ST6GALNAC5: variants seen among roughly 807,000 people sequenced by gnomAD.
The protein encoded by ST6GALNAC5 is alpha-N-acetylgalactosaminide alpha-2,6-sialyltransferase 5.
Under a neutral mutation model 33.6 loss-of-function variants are expected in ST6GALNAC5, and 27 were observed. The observed-to-expected ratio is 0.80, with a 90% confidence interval of 0.59 to 1.11. The LOEUF is 1.11. Among genes scored for constraint, ST6GALNAC5 ranks in the 50% least tolerant of loss-of-function variants. The probability of loss-of-function intolerance (pLI) is 0.00; values close to 1 mark genes in which losing one functional copy is unlikely to be tolerated. For missense variants in ST6GALNAC5, 428 were observed against 454.0 expected, an observed-to-expected ratio of 0.94 and a Z score of 0.52; for synonymous variants, 194 against 171.2, an observed-to-expected ratio of 1.13 and a Z score of -1.04.
At chr1:76,904,217 C>G (rs1171862929) in intron 2 of ST6GALNAC5, among the ~76,000 whole-genome samples, 1 of 152,100 alleles carries the variant, frequency 6.6e-6, no homozygotes, top group Non-Finnish European at 1.5e-5. Context: ...GGGTGAAAGT[C>G]TACTACACAT....
chr1:76,950,936 A>ATTT (rs1220838956), intron 2 of ST6GALNAC5, among the ~76,000 whole-genome samples: 1 of 152,112 alleles, frequency 6.6e-6, no homozygotes. Flanking sequence ...TAATCTCACG[A>ATTT]ACCACCTGTG....
At chr1:76,954,097 T>C (rs1557735539) in intron 2 of ST6GALNAC5, among the ~76,000 whole-genome samples, 1 of 152,198 alleles carries the variant, frequency 6.6e-6, no homozygotes, top group East Asian at 1.9e-4. Flanking sequence ...AAAGTAGTCA[T>C]ATGGATGGTT....
intron 2 of ST6GALNAC5, among the ~76,000 whole-genome samples, chr1:76,984,727 G>A (rs1649409636): frequency 6.6e-6 from 1 of 152,278 alleles, no homozygotes; most frequent in Non-Finnish European, 1.5e-5. Flanking sequence ...GAGAATTTTA[G>A]ATGAATATTC....
chr1:76,907,607 G>A (rs1381177958), intron 2 of ST6GALNAC5, among the ~76,000 whole-genome samples: 1 of 152,146 alleles, frequency 6.6e-6, no homozygotes, highest in African/African-American at 2.4e-5. Flanking sequence ...CCATGCAAGT[G>A]TAGCCCCACA....
At chr1:76,941,321 C>T (rs1647329888) in intron 2 of ST6GALNAC5, among the ~76,000 whole-genome samples, 1 of 152,074 alleles carries the variant, frequency 6.6e-6, no homozygotes, top group Non-Finnish European at 1.5e-5. Context: ...ACCTTTTTAT[C>T]ATGTTTTTCT....
chr1:77,047,143 G>A (rs575160415), intron 3 of ST6GALNAC5, among the ~76,000 whole-genome samples: 5 of 152,302 alleles, frequency 3.3e-5, no homozygotes, highest in South Asian at 2.1e-4. Context: ...CTACTCAGGG[G>A]AATCACACTT....
At chr1:76,925,582 T>C (rs1647078205) in intron 2 of ST6GALNAC5, among the ~76,000 whole-genome samples, 5 of 152,050 alleles carry the variant, frequency 3.3e-5, no homozygotes, top group Admixed American at 3.3e-4. Flanking sequence ...GGTGCAGCCA[T>C]CCAAGGCAAA....
intron 2 of ST6GALNAC5, among the ~76,000 whole-genome samples, chr1:77,002,551 C>A (rs1279087783): frequency 1.4e-5 from 2 of 139,408 alleles, no homozygotes; most frequent in African/African-American, 2.7e-5. Flanking sequence ...TGTGTTTGCT[C>A]TTGCTTTTCT....
intron 2 of ST6GALNAC5, among the ~76,000 whole-genome samples, chr1:76,967,144 A>G (rs968694076): frequency 1.4e-4 from 22 of 152,028 alleles, no homozygotes; most frequent in African/African-American, 5.3e-4. Context: ...CTCTTTTTCT[A>G]TTGATCGGAA....
intron 2 of ST6GALNAC5, among the ~76,000 whole-genome samples, chr1:76,984,248 A>C (rs779299890): frequency 1.3e-5 from 2 of 152,234 alleles, no homozygotes; most frequent in Non-Finnish European, 2.9e-5. Flanking sequence ...AGATTAACAA[A>C]ATTGATAGAC....
chr1:76,872,186 T>C (rs898971015), intron 2 of ST6GALNAC5, among the ~76,000 whole-genome samples: 6 of 151,640 alleles, frequency 4.0e-5, no homozygotes, highest in Non-Finnish European at 5.9e-5. Context: ...GAAGGGAACA[T>C]GGAACACAGT....
intron 2 of ST6GALNAC5, among the ~76,000 whole-genome samples, chr1:76,901,912 G>A (rs1301581395): frequency 6.6e-6 from 1 of 152,018 alleles, no homozygotes; most frequent in East Asian, 1.9e-4. Flanking sequence ...TTTTTGGCCA[G>A]CCCAGTTGCA....
At chr1:76,926,002 C>T (rs1557725394) in intron 2 of ST6GALNAC5, among the ~76,000 whole-genome samples, 1 of 152,148 alleles carries the variant, frequency 6.6e-6, no homozygotes, top group Admixed American at 6.5e-5. Context: ...TGGCCAAGTT[C>T]GCAGAACTCT....
intron 2 of ST6GALNAC5, among the ~76,000 whole-genome samples, chr1:76,965,285 CT>C (rs1648421661): frequency 6.6e-6 from 1 of 152,086 alleles, no homozygotes. Context: ...TGTTTCCTGA[CT>C]TTTTGATTAT....
At chr1:77,037,028 G>T (rs1340526658) in intron 2 of ST6GALNAC5, among the ~76,000 whole-genome samples, 3 of 152,076 alleles carry the variant, frequency 2.0e-5, no homozygotes, top group African/African-American at 7.2e-5. Context: ...GAGAAGAGTG[G>T]CTTGGGTGGG....
intron 4 of ST6GALNAC5, among the ~76,000 whole-genome samples, chr1:77,055,757 T>C (rs1165135491): frequency 6.6e-6 from 1 of 152,216 alleles, no homozygotes; most frequent in Non-Finnish European, 1.5e-5. Context: ...CTGATTGGTT[T>C]GTCCATCTCC....
intron 2 of ST6GALNAC5, among the ~76,000 whole-genome samples, chr1:76,989,719 C>CA (rs34041023): frequency 0.25 from 38,444 of 151,882 alleles, 4,998 homozygotes; most frequent in Middle Eastern, 0.37. Context: ...GAACGCTTCT[C>CA]AAAAAAATGT....
intron 2 of ST6GALNAC5, among the ~76,000 whole-genome samples, chr1:77,042,100 C>T (rs948518098): frequency 6.6e-6 from 1 of 152,126 alleles, no homozygotes; most frequent in African/African-American, 2.4e-5. Context: ...ATTTTTCTAC[C>T]CTTCAATATT....
chr1:76,980,448 T>A (rs12044651), intron 2 of ST6GALNAC5, among the ~76,000 whole-genome samples: 52,333 of 152,088 alleles, frequency 0.34, 10,951 homozygotes, highest in Non-Finnish European at 0.45. Context: ...CTGTTACACA[T>A]AAAGGTGTAT....
Sources: gnomAD v4.1 joint callset for allele counts (sites outside exome capture counted in the v4.1 genomes callset) on GRCh38, gnomAD v4.1.1 for gene constraint, MANE v1.5 for transcripts, NCBI Gene and HGNC (gene_info 2026-07-23, HGNC 2026-07-21) for gene names.